The following COMMD10 variants were observed in gnomAD, a reference collection of about 807,000 sequenced individuals.
The protein encoded by COMMD10 is COMM domain-containing protein 10.
Under a neutral mutation model 28.9 loss-of-function variants are expected in COMMD10, and 33 were observed. The ratio of observed to expected loss-of-function variants is 1.14; its 90% CI spans 0.87 to 1.53. The LOEUF (loss-of-function observed/expected upper bound fraction) is 1.53. COMMD10 is among the 40% of genes most tolerant of loss of function. The pLI, the probability that COMMD10 is intolerant of heterozygous loss-of-function variation, is 0.00. For missense variants in COMMD10, 310 were observed against 233.4 expected, an observed-to-expected ratio of 1.33 and a Z score of -2.14; for synonymous variants, 110 against 81.7, an observed-to-expected ratio of 1.35 and a Z score of -1.87.
At chr5:116,149,504 C>T (rs1021263985) in intron 5 of COMMD10, among the ~76,000 whole-genome samples, 1 of 146,234 alleles carries the variant, frequency 6.8e-6, no homozygotes, top group African/African-American at 2.6e-5. Context: ...TCTCCACATG[C>T]TCTCCAGCAC....
At chr5:116,108,867 C>T (rs1011721844) in intron 4 of COMMD10, among the ~76,000 whole-genome samples, 7 of 152,276 alleles carry the variant, frequency 4.6e-5, no homozygotes, top group South Asian at 2.1e-4. Context: ...TTGTGAAGAC[C>T]GTGGGAAAAG....
chr5:116,177,298 T>TCTCTC (rs113187476), intron 5 of COMMD10, among the ~76,000 whole-genome samples: 47,147 of 151,680 alleles, frequency 0.31, 10,260 homozygotes, highest in African/African-American at 0.63. Flanking sequence ...GACAGCTTTC[T>TCTCTC]CTCTCATCTT....
chr5:116,232,898 A>T (rs910345790), intron 5 of COMMD10, among the ~76,000 whole-genome samples: 6 of 152,212 alleles, frequency 3.9e-5, no homozygotes, highest in Non-Finnish European at 2.9e-5. Context: ...AGTTAAGTAC[A>T]TGTAGAAGGT....
intron 5 of COMMD10, among the ~76,000 whole-genome samples, chr5:116,283,208 C>T (rs1751121111): frequency 1.3e-5 from 2 of 151,962 alleles, no homozygotes; most frequent in South Asian, 4.1e-4. Context: ...ATTCTACCTA[C>T]AACAAAAACG....
intron 4 of COMMD10, among the ~76,000 whole-genome samples, chr5:116,121,433 A>G (rs561755401): frequency 6.6e-6 from 1 of 152,320 alleles, no homozygotes; most frequent in South Asian, 2.1e-4. Context: ...ATAGTGCCGC[A>G]GTAAACATAC....
Position 116,284,601 on chromosome 5 carries a change from A to G in COMMD10, c.511-6916A>G, listed in dbSNP as rs1751169881. 2.0e-5 allele frequency among the ~76,000 whole-genome samples: 3 copies of G among 151,954 alleles called. 1 individual carries two copies. The highest frequency in any genetic ancestry group is 2.0e-4 in the Admixed American group (3 of 15,262). On this transcript the variant is annotated intron_variant, in intron 5 of 6. Coordinates refer to ENST00000274458, the MANE Select transcript of COMMD10 (RefSeq NM_016144.4). ...TATCTAATGACAGTGGTAGGCAGGA[A>G]GCACATGGATAATTATATATACATT...
chr5:116,181,580 A>G (rs1392863137), intron 5 of COMMD10, among the ~76,000 whole-genome samples: 1 of 151,850 alleles, frequency 6.6e-6, no homozygotes, highest in Non-Finnish European at 1.5e-5. Flanking sequence ...AAATAATAAT[A>G]GGAAGTCTGT....
In COMMD10 at chr5:116,095,035, G is replaced by A. The variant is rs140243201; in HGVS notation, c.399+2335G>A. Among the ~76,000 whole-genome samples, 125 of 152,280 alleles carry A rather than the reference G, an allele frequency of 8.2e-4. 1 individual carries two copies. Among genetic ancestry groups the A allele is most frequent in the African/African-American group, 2.9e-3 (120 of 41,560 alleles). On this transcript the variant is annotated intron_variant, in intron 4 of 6. Transcript: ENST00000274458. ...AGAAGAATGCATGGGATGTGGGGTC[G>A]GAGGGTGGATGAGTAGAAGTTGGTT...
chr5:116,148,709 G>A (rs988087137), intron 5 of COMMD10, among the ~76,000 whole-genome samples: 1 of 151,598 alleles, frequency 6.6e-6, no homozygotes, highest in Admixed American at 6.6e-5. Flanking sequence ...AAAGAGAAAA[G>A]ATAAATTGAA....
intron 5 of COMMD10, among the ~76,000 whole-genome samples, chr5:116,147,031 T>C (rs1250268510): frequency 6.6e-6 from 1 of 151,882 alleles, no homozygotes; most frequent in African/African-American, 2.4e-5. Flanking sequence ...ACAGGACTTA[T>C]TTGGAAATGT....
chr5:116,244,660 C>CAAAAAAA (rs60360733), intron 5 of COMMD10, among the ~76,000 whole-genome samples: 133 of 79,204 alleles, frequency 1.7e-3, no homozygotes, highest in Middle Eastern at 0.019. Flanking sequence ...AAAAAAATTA[C>CAAAAAAA]AAAAAAAAAA....
intron 5 of COMMD10, chr5:116,217,968 G>A (rs1236931644): frequency 6.2e-6 from 5 of 802,716 alleles, no homozygotes; most frequent in Non-Finnish European, 8.5e-6. Context: ...GGTAAAAATA[G>A]TATTTCAAAC....
At chr5:116,230,090 T>C (rs1439755947) in intron 5 of COMMD10, among the ~76,000 whole-genome samples, 1 of 151,998 alleles carries the variant, frequency 6.6e-6, no homozygotes, top group African/African-American at 2.4e-5. Context: ...TTCTGTCTAT[T>C]TTGCAGTATT....
intron 5 of COMMD10, among the ~76,000 whole-genome samples, chr5:116,227,818 T>G (rs1203966966): frequency 6.6e-6 from 1 of 152,070 alleles, no homozygotes; most frequent in African/African-American, 2.4e-5. Context: ...GTAGAAGGAA[T>G]TAGTTCTCTC....
chr5:116,176,070 A>C (rs549232307), intron 5 of COMMD10, among the ~76,000 whole-genome samples: 1 of 152,132 alleles, frequency 6.6e-6, no homozygotes, highest in Non-Finnish European at 1.5e-5. Flanking sequence ...AAATGTTCTG[A>C]GCTTGAATGT....
intron 1 of COMMD10, 107 bp downstream of exon 1, chr5:116,085,200 G>C (rs74583480): frequency 1.5e-6 from 1 of 678,022 alleles, no homozygotes; most frequent in Non-Finnish European, 2.4e-6. Flanking sequence ...CGGCGGGCCC[G>C]GTTGAGTGGG....
rs970682138 is a variant in COMMD10, at chr5:116,138,542, G to C, written c.510+4364G>C. Among the ~76,000 whole-genome samples the C allele has an allele frequency of 2.0e-5, 3 of 151,698 alleles. No individual in the cohort carries two copies. The East Asian group carries it at 5.8e-4, about 29-fold the overall frequency. ...CATTTTTTTCCCCAGTAAATTTCCT[G>C]TTAAAGACAAACCTGTTTTGTTAAT... On this transcript the variant is annotated intron_variant, in intron 5 of 6. Coordinates refer to ENST00000274458, the MANE Select transcript of COMMD10 (RefSeq NM_016144.4).
chr5:116,219,385 G>C (rs911364472), intron 5 of COMMD10, among the ~76,000 whole-genome samples: 50 of 152,072 alleles, frequency 3.3e-4, no homozygotes, highest in African/African-American at 1.2e-3. Flanking sequence ...TGTGGACTGT[G>C]TAAGCATTAC....
At chr5:116,135,583 C>T (rs1752001824) in intron 5 of COMMD10, among the ~76,000 whole-genome samples, 3 of 152,208 alleles carry the variant, frequency 2.0e-5, no homozygotes, top group Non-Finnish European at 2.9e-5. Context: ...GGTCAACTGC[C>T]GTTTGAAATA....
Sources: gnomAD v4.1 joint callset for allele counts (sites outside exome capture counted in the v4.1 genomes callset) on GRCh38, gnomAD v4.1.1 for gene constraint, MANE v1.5 for transcripts, NCBI Gene and HGNC (gene_info 2026-07-23, HGNC 2026-07-21) for gene names.